WLS: variants seen among roughly 807,000 people sequenced by gnomAD.
WLS encodes protein wntless homolog.
Under a neutral mutation model 62.8 loss-of-function variants are expected in WLS, and 23 were observed. The ratio of observed to expected loss-of-function variants is 0.37; its 90% CI spans 0.26 to 0.52. The LOEUF (loss-of-function observed/expected upper bound fraction) is 0.52. WLS is among the 20% of genes least tolerant of loss of function. The pLI is 0.92. For synonymous variants in WLS, 246 were observed against 244.1 expected (o/e 1.01, Z -0.07); for missense variants, 615 against 697.3 (o/e 0.88, Z 1.33).
In WLS at chr1:68,126,184, C is replaced by A; in HGVS notation, c.*42G>T. ...ATGCTCCCCACTCTAGTTAGAGGGG[C>A]TGGGGTATGGAGAGACCGTCCCAGC... On this transcript the variant is annotated 3_prime_UTR_variant, in exon 12 of 12. Coordinates refer to ENST00000262348, the MANE Select transcript of WLS (RefSeq NM_024911.7). 6.2e-7 allele frequency: 1 copy of A among 1,610,992 alleles called. No individual in the cohort carries two copies. The highest frequency in any genetic ancestry group is 8.5e-7 in the Non-Finnish European group (1 of 1,178,546).
intron 1 of WLS, among the ~76,000 whole-genome samples, chr1:68,213,513 G>A (rs1649605540): frequency 1.4e-5 from 2 of 143,720 alleles, no homozygotes; most frequent in South Asian, 4.4e-4. Context: ...ATATACCAAA[G>A]AGATAAATGG....
chr1:68,190,640 C>G, intron 2 of WLS, among the ~76,000 whole-genome samples: 1 of 152,180 alleles, frequency 6.6e-6, no homozygotes, highest in East Asian at 1.9e-4. Context: ...CCCCCTTCCC[C>G]GGTGGAGCCC....
chr1:68,144,148 A>C lies in WLS; in HGVS notation c.1362+421T>G, dbSNP rs151023486. Among the ~76,000 whole-genome samples the C allele has an allele frequency of 1.2e-4, 18 of 152,390 alleles. No individual in the cohort carries two copies. The East Asian group carries it at 3.1e-3, about 26-fold the overall frequency. On this transcript the variant is annotated intron_variant, in intron 10 of 11. Transcript: ENST00000262348. ...CAGTGAAAAGACAAGATGCTATCAA[A>C]GAGACTTTTGAATTACATTTCATAT...
chr1:68,110,461 T>C (rs1482953251), intron 11 of WLS, among the ~76,000 whole-genome samples: 1 of 43,824 alleles, frequency 2.3e-5, no homozygotes. Flanking sequence ...TTCAGTGACA[T>C]ATTATTATTG....
chr1:68,226,410 C>T (rs547345021), intron 1 of WLS, among the ~76,000 whole-genome samples: 18 of 152,244 alleles, frequency 1.2e-4, no homozygotes, highest in African/African-American at 3.6e-4. Flanking sequence ...AGGTTTTGTA[C>T]AGATGAAATT....
At chr1:68,158,612 A>G (rs1646931984) in intron 3 of WLS, among the ~76,000 whole-genome samples, 1 of 152,128 alleles carries the variant, frequency 6.6e-6, no homozygotes, top group Admixed American at 6.5e-5. Context: ...AAATCACAAA[A>G]AGAAATTATA....
chr1:68,190,656 C>T (rs1034910959), intron 2 of WLS, among the ~76,000 whole-genome samples: 4 of 152,120 alleles, frequency 2.6e-5, no homozygotes, highest in African/African-American at 7.2e-5. Flanking sequence ...AGCCCTCATG[C>T]CTGATGAGAC....
chr1:68,214,916 A>G (rs1649666398), intron 1 of WLS, among the ~76,000 whole-genome samples: 1 of 152,202 alleles, frequency 6.6e-6, no homozygotes, highest in African/African-American at 2.4e-5. Context: ...GACTCCAACA[A>G]TTCCAGGCTT....
chr1:68,180,355 G>A (rs1647481697), intron 2 of WLS, among the ~76,000 whole-genome samples: 1 of 152,026 alleles, frequency 6.6e-6, no homozygotes, highest in African/African-American at 2.4e-5. Flanking sequence ...TTGCTTGTTA[G>A]GTCAAGCCTG....
chr1:68,127,221 G>A, intron 11 of WLS: 1 of 219,642 alleles, frequency 4.6e-6, no homozygotes. Flanking sequence ...AAACTACAAA[G>A]CATCTATGTC....
intron 2 of WLS, chr1:68,162,618 T>G (rs1192233223): frequency 2.3e-6 from 3 of 1,310,530 alleles, no homozygotes; most frequent in Non-Finnish European, 2.2e-6. Flanking sequence ...CCCGTGTGCC[T>G]TACCGCAGTG....
chr1:68,130,912 T>C (rs1301381994), intron 11 of WLS, among the ~76,000 whole-genome samples: 4 of 135,204 alleles, frequency 3.0e-5, no homozygotes, highest in Admixed American at 7.5e-5. Context: ...TTTTTTTTTT[T>C]AGATGGAGTC....
chr1:68,200,440 A>T (rs963584934), intron 1 of WLS, among the ~76,000 whole-genome samples: 1 of 149,014 alleles, frequency 6.7e-6, no homozygotes, highest in Non-Finnish European at 1.5e-5. Flanking sequence ...TTTATTTTTT[A>T]AAAATAATTG....
intron 6 of WLS, among the ~76,000 whole-genome samples, chr1:68,149,300 T>A (rs1646794126): frequency 6.6e-6 from 1 of 152,202 alleles, no homozygotes; most frequent in Non-Finnish European, 1.5e-5. Context: ...GGCTTCCTGG[T>A]GCTGGACCAA....
intron 8 of WLS, among the ~76,000 whole-genome samples, chr1:68,146,491 A>G (rs1422954329): frequency 1.3e-5 from 2 of 152,200 alleles, no homozygotes; most frequent in Non-Finnish European, 2.9e-5. Flanking sequence ...CAGGGCTAGG[A>G]CATCAAGTAT....
chr1:68,186,693 T>C (rs1189720450), intron 2 of WLS: 4 of 455,668 alleles, frequency 8.8e-6, no homozygotes, highest in Non-Finnish European at 1.8e-5. Flanking sequence ...ATATAAAAAG[T>C]AGAGAGTCTC....
chr1:68,179,546 G>A (rs988048705), intron 2 of WLS, among the ~76,000 whole-genome samples: 4 of 152,064 alleles, frequency 2.6e-5, no homozygotes, highest in African/African-American at 4.8e-5. Flanking sequence ...CTTAATTAGC[G>A]AACATTTGTT....
chr1:68,175,487 G>GT (rs1417265032), intron 2 of WLS, among the ~76,000 whole-genome samples: 1 of 152,170 alleles, frequency 6.6e-6, no homozygotes, highest in Non-Finnish European at 1.5e-5. Flanking sequence ...AACAATTTGA[G>GT]TAAGTCACTT....
chr1:68,218,647 C>G (rs768668178), intron 1 of WLS, among the ~76,000 whole-genome samples: 1 of 152,198 alleles, frequency 6.6e-6, no homozygotes, highest in Non-Finnish European at 1.5e-5. Flanking sequence ...AATCCCTGTT[C>G]CCGCCTCGCA....
Sources: allele counts gnomAD v4.1 joint callset (sites outside exome capture counted in the v4.1 genomes callset), GRCh38; gene constraint gnomAD v4.1.1; transcripts MANE v1.5; gene names NCBI Gene and HGNC (gene_info 2026-07-23, HGNC 2026-07-21).